Variants in SH3RF3 observed in about 807,000 individuals in gnomAD.
SH3RF3 encodes the protein SH3 domain containing ring finger 3, also known as E3 ubiquitin-protein ligase SH3RF3.
SH3RF3 carries 29 observed loss-of-function variants against 66.3 expected under a neutral mutation model. The ratio of observed to expected loss-of-function variants is 0.44; its 90% CI spans 0.33 to 0.60. SH3RF3 has a LOEUF of 0.60. Among genes scored for constraint, SH3RF3 ranks in the 20% least tolerant of loss-of-function variants. The pLI, the probability that SH3RF3 is intolerant of heterozygous loss-of-function variation, is 0.04. For missense variants in SH3RF3, 1,194 were observed against 1,190.9 expected (o/e 1.00, Z -0.04); for synonymous variants, 583 against 532.0 (o/e 1.10, Z -1.32).
intron 1 of SH3RF3, among the ~76,000 whole-genome samples, chr2:109,315,146 C>G (rs1681844111): frequency 6.6e-6 from 1 of 152,212 alleles, no homozygotes. Context: ...TTTTACTTTA[C>G]TGAGTATAAT....
chr2:109,239,308 T>C (rs1396511869), intron 1 of SH3RF3, among the ~76,000 whole-genome samples: 1 of 152,128 alleles, frequency 6.6e-6, no homozygotes, highest in Non-Finnish European at 1.5e-5. Flanking sequence ...TTTTATCCCT[T>C]CCTAGGGGGC....
chr2:109,358,041 G>A (rs1245030766), intron 2 of SH3RF3, among the ~76,000 whole-genome samples: 1 of 152,106 alleles, frequency 6.6e-6, no homozygotes, highest in Non-Finnish European at 1.5e-5. Flanking sequence ...CCTCTGACCT[G>A]TCTATCCATC....
chr2:109,180,451 C>T (rs983087327), intron 1 of SH3RF3, among the ~76,000 whole-genome samples: 14 of 152,166 alleles, frequency 9.2e-5, no homozygotes, highest in Non-Finnish European at 1.8e-4. Flanking sequence ...CAGGTGACTT[C>T]CCCTGGCCCA....
chr2:109,367,384 C>G (rs1322277055), intron 2 of SH3RF3, among the ~76,000 whole-genome samples: 5 of 152,126 alleles, frequency 3.3e-5, no homozygotes, highest in Non-Finnish European at 7.4e-5. Context: ...TGGGTTCAAG[C>G]AATTCTCCTG....
rs957932293 is a variant in SH3RF3, at chr2:109,130,155, G to A, written c.573+42G>A. On this transcript the variant is annotated intron_variant, in intron 1 of 9. Coordinates refer to ENST00000309415, the MANE Select transcript of SH3RF3 (RefSeq NM_001099289.3). ...GCGGAAGTGGCCACGGCACGTGGGA[G>A]TGTGTGGGTGGGTGCTTGGGCGTGG... 14 of 1,269,226 alleles carry A rather than the reference G, an allele frequency of 1.1e-5. No individual in the cohort carries two copies. The South Asian group carries it at 2.2e-4, about 20-fold the overall frequency. The allele number at this position is 1,269,226 out of a possible 1,614,324, so 78.6% of individuals were successfully genotyped here.
chr2:109,466,961 A>G (rs980991580), intron 8 of SH3RF3, among the ~76,000 whole-genome samples: 2 of 152,182 alleles, frequency 1.3e-5, no homozygotes, highest in African/African-American at 2.4e-5. Context: ...ATCTGTGTGC[A>G]TGTGTGTGTA....
intron 8 of SH3RF3, among the ~76,000 whole-genome samples, chr2:109,450,782 A>G (rs1305570722): frequency 6.6e-6 from 1 of 152,216 alleles, no homozygotes; most frequent in Non-Finnish European, 1.5e-5. Flanking sequence ...GGTGCTGGGC[A>G]AGGAGCCACT....
In SH3RF3 at chr2:109,398,523, T is replaced by C. The variant is rs56728531; in HGVS notation, c.946-67T>C. 4,023 of 1,365,916 alleles carry C rather than the reference T, an allele frequency of 2.9e-3. 94 individuals are homozygous for C. The African/African-American group carries it at 0.05, about 17-fold the overall frequency. The allele number at this position is 1,365,916 out of a possible 1,614,324, so 84.6% of individuals were successfully genotyped here. The stretch of plus-strand genomic sequence containing the variant: ...GTGAATGGAAATGTGGCCTGGAGAG[T>C]GCAGAGGGCTGGTGTGGCATGTGAC... On this transcript the variant is annotated intron_variant, in intron 3 of 9. Coordinates refer to ENST00000309415, the MANE Select transcript of SH3RF3 (RefSeq NM_001099289.3).
chr2:109,273,266 T>A (rs1426652246), intron 1 of SH3RF3, among the ~76,000 whole-genome samples: 1 of 152,210 alleles, frequency 6.6e-6, no homozygotes, highest in Non-Finnish European at 1.5e-5. Flanking sequence ...GCACATGTGT[T>A]TCTGTGGATG....
At chr2:109,360,612 A>T (rs980160235) in intron 2 of SH3RF3, among the ~76,000 whole-genome samples, 2 of 152,240 alleles carry the variant, frequency 1.3e-5, no homozygotes, top group African/African-American at 4.8e-5. Flanking sequence ...AGCATTTCAA[A>T]TAAAAGATAC....
chr2:109,479,885 ACCTGCAGCACGAGGATCTC>A, intron 8 of SH3RF3, among the ~76,000 whole-genome samples: 1 of 152,050 alleles, frequency 6.6e-6, no homozygotes, highest in East Asian at 1.9e-4. Context: ...CACCTAACCC[ACCTGCAGCACGAGGATCTC>A]CCTGGAGCTC....
chr2:109,249,207 T>G (rs1179295647), intron 1 of SH3RF3, among the ~76,000 whole-genome samples: 2 of 152,206 alleles, frequency 1.3e-5, no homozygotes, highest in South Asian at 4.1e-4. Context: ...TAACTTCAGC[T>G]AAGCAACTCC....
At chr2:109,379,457 C>T (rs1683462341) in intron 3 of SH3RF3, among the ~76,000 whole-genome samples, 1 of 152,216 alleles carries the variant, frequency 6.6e-6, no homozygotes, top group Non-Finnish European at 1.5e-5. Context: ...TGCTGGTGTT[C>T]CCTACACTTC....
intron 1 of SH3RF3, among the ~76,000 whole-genome samples, chr2:109,178,599 A>C (rs577660203): frequency 6.6e-6 from 1 of 152,354 alleles, no homozygotes; most frequent in South Asian, 2.1e-4. Context: ...TTTCAGAACC[A>C]AAAGAGTCTG....
In SH3RF3 at chr2:109,302,570, T is replaced by C. The variant is rs532284669; in HGVS notation, c.574-45104T>C. Among the ~76,000 whole-genome samples the C allele has an allele frequency of 1.4e-4, 22 of 152,372 alleles. No individual in the cohort carries two copies. The South Asian group carries it at 4.6e-3, about 32-fold the overall frequency. On this transcript the variant is annotated intron_variant, in intron 1 of 9. Transcript: ENST00000309415. The stretch of plus-strand genomic sequence containing the variant: ...CCAGGCCAGAGACCCTGTGCTGTGC[T>C]GCTGACAGTGCTAAATTTTGACAGT...
At chr2:109,383,828 C>G (rs898366360) in intron 3 of SH3RF3, among the ~76,000 whole-genome samples, 1 of 152,188 alleles carries the variant, frequency 6.6e-6, no homozygotes, top group Non-Finnish European at 1.5e-5. Flanking sequence ...TCCAGACGTC[C>G]TGTTTTCAGT....
intron 1 of SH3RF3, among the ~76,000 whole-genome samples, chr2:109,240,747 T>G (rs1679757690): frequency 6.6e-6 from 1 of 151,894 alleles, no homozygotes; most frequent in East Asian, 1.9e-4. Context: ...CTTCTGAGCT[T>G]CTTCCTATTT....
At chr2:109,199,123 G>C (rs1018702127) in intron 1 of SH3RF3, among the ~76,000 whole-genome samples, 1 of 152,014 alleles carries the variant, frequency 6.6e-6, no homozygotes, top group Non-Finnish European at 1.5e-5. Context: ...ACTTTGGGAG[G>C]CTGAGGCGGG....
At chr2:109,472,035 G>T (rs1396401958) in intron 8 of SH3RF3, among the ~76,000 whole-genome samples, 1 of 152,344 alleles carries the variant, frequency 6.6e-6, no homozygotes, top group South Asian at 2.1e-4. Context: ...CTGTAGCACA[G>T]TGTGCACCTG....
Sources: gnomAD v4.1 joint callset for allele counts (sites outside exome capture counted in the v4.1 genomes callset) on GRCh38, gnomAD v4.1.1 for gene constraint, MANE v1.5 for transcripts, NCBI Gene and HGNC (gene_info 2026-07-23, HGNC 2026-07-21) for gene names.